MXRA8: variants seen among roughly 807,000 people sequenced by gnomAD.
MXRA8 encodes matrix remodeling-associated protein 8.
MXRA8 carries 44 observed loss-of-function variants against 51.4 expected under a neutral mutation model. The observed-to-expected ratio is 0.86, with a 90% CI of 0.67 to 1.10. MXRA8 has a LOEUF of 1.10. Ranked by LOEUF, MXRA8 falls within the 50% of genes least tolerant of loss-of-function variation. MXRA8 has a pLI of 0.00. For missense variants in MXRA8, 765 were observed against 638.9 expected, an observed-to-expected ratio of 1.20 and a Z score of -2.13; for synonymous variants, 369 against 293.5, an observed-to-expected ratio of 1.26 and a Z score of -2.63.
chr1:1,360,252 C>A (rs935561659), upstream of MXRA8, among the ~76,000 whole-genome samples: 2 of 152,224 alleles, frequency 1.3e-5, no homozygotes, highest in African/African-American at 4.8e-5. Context: ...AGGCTGTCGT[C>A]TGAGAGGGCC....
upstream of MXRA8, among the ~76,000 whole-genome samples, chr1:1,359,888 G>A (rs149829588): frequency 1.1e-3 from 164 of 152,190 alleles, 4 homozygotes; most frequent in East Asian, 0.026. Context: ...GCCTCTGCTG[G>A]CCTCTCCTCC....
chr1:1,353,465 T>C lies in MXRA8; in HGVS notation c.*139A>G. On this transcript the variant is annotated 3_prime_UTR_variant, in exon 10 of 10. Transcript: ENST00000309212. The stretch of plus-strand genomic sequence containing the variant: ...GGGAGAGGGGTGTGGAGGCGGCCTC[T>C]GCATACGCCCAGGCCAAATTCCAGG... 1 of 1,502,974 alleles carries C rather than the reference T, an allele frequency of 6.7e-7. No individual in the cohort carries two copies. The highest frequency in any genetic ancestry group is 8.9e-7 in the Non-Finnish European group (1 of 1,123,174). 93.1% of individuals were successfully genotyped at this position (1,502,974 alleles called of 1,614,324 possible).
intron 9 of MXRA8, 100 bp downstream of exon 9, chr1:1,353,748 G>A (rs1644052770): frequency 1.4e-6 from 2 of 1,466,816 alleles, no homozygotes; most frequent in African/African-American, 1.4e-5. Context: ...GGTGGCAGGG[G>A]CCCCGGGCCT....
upstream of MXRA8, chr1:1,361,549 G>T (rs938092817): frequency 1.9e-6 from 1 of 517,692 alleles, no homozygotes; most frequent in Admixed American, 3.2e-5. Context: ...GCAGCCAGTG[G>T]CGGGGCTGCC....
At chr1:1,360,227 G>A (rs570445716), upstream of MXRA8, among the ~76,000 whole-genome samples, 248 of 152,364 alleles carry the variant, frequency 1.6e-3, 3 homozygotes, top group African/African-American at 5.4e-3. Flanking sequence ...CCCAGCCAGC[G>A]GAGATGCAGG....
In MXRA8 at chr1:1,355,323, C is replaced by T. The variant is rs759796732; in HGVS notation, c.399G>A (p.Gly133=). 6.3e-7 allele frequency: 1 copy of T among 1,578,110 alleles called. No homozygotes were observed. The highest frequency in any genetic ancestry group is 8.6e-7 in the Non-Finnish European group (1 of 1,165,748). ...LIRAVEETDA[G]LYTCNLHHHY... ...GATGGTGCAGGTTGCAGGTGTACAG[C>T]CCCGCGTCCGTCTCCTCCACCGCTG... The change falls in exon 4 of 10, where the codon GGG becomes GGA. Residue 133 remains glycine (G), a synonymous_variant. Coordinates refer to ENST00000309212, the MANE Select transcript of MXRA8 (RefSeq NM_032348.4).
upstream of MXRA8, chr1:1,361,313 A>G (rs1388173449): frequency 2.8e-6 from 2 of 703,054 alleles, no homozygotes; most frequent in East Asian, 2.7e-5. Flanking sequence ...TTTGCTGACC[A>G]CCTCCTGGGT....
At chr1:1,363,007 T>A (rs1644237420), upstream of MXRA8, among the ~76,000 whole-genome samples, 1 of 150,462 alleles carries the variant, frequency 6.6e-6, no homozygotes, top group South Asian at 2.1e-4. Flanking sequence ...CACTTGAACC[T>A]GGGGGATGGA....
Position 1,353,615 on chromosome 1 carries a change from T to C in MXRA8, c.1318A>G (p.Asn440Asp), listed in dbSNP as rs1557680149. ...IDLDKGFRKE[N>D]CK is the part of the protein sequence containing the mutation. ...AGCCCAGGGCCTCCCTATTTGCAGT[T>C]CTCCTTCCGGAACCCTGGAAGCCAA... The change falls in exon 10 of 10, where the codon AAC (asparagine) becomes GAC (aspartate). Residue 440 changes from asparagine (N) to aspartate (D), a missense_variant. Physicochemically the swap from Asn to Asp is conservative, Grantham distance 23. Transcript: ENST00000309212. The C allele has an allele frequency of 5.8e-6, 9 of 1,563,050 alleles. No homozygotes were observed. Among genetic ancestry groups the C allele is most frequent in the South Asian group, 1.2e-5 (1 of 85,160 alleles).
At chr1:1,356,607 C>G (rs1436524766) in intron 2 of MXRA8, 74 bp downstream of exon 2, 9 of 799,062 alleles carry the variant, frequency 1.1e-5, no homozygotes, top group Non-Finnish European at 1.3e-5. Context: ...TGAGGACCCC[C>G]GGGGGCTGGG....
At chr1:1,359,409 G>A (rs907346886), upstream of MXRA8, 7 of 985,336 alleles carry the variant, frequency 7.1e-6, no homozygotes, top group Admixed American at 1.2e-4. Flanking sequence ...AGCCTGCACT[G>A]TGTAGCAAAC....
chr1:1,359,784 A>C (rs1335710018), upstream of MXRA8, among the ~76,000 whole-genome samples: 1 of 152,116 alleles, frequency 6.6e-6, no homozygotes, highest in East Asian at 1.9e-4. Flanking sequence ...CGACCTTTCC[A>C]AACTGGCTTC....
rs754054778 is a variant in MXRA8, at chr1:1,355,265, G to A, written c.457C>T (p.Arg153Cys). ...TCACGGCCGTCGGTGACCTCCAGGC[G>A]GACGGCCAGGCTCTCGTAGAGGTGG... ...YCHLYESLAV[R>C]LEVTDGPPAT... Residue 153 changes from arginine (R) to cysteine (C), a missense_variant, in exon 4 of 10, where the codon CGC becomes TGC. Arg to Cys is a radical substitution (Grantham distance 180, BLOSUM62 -3). Transcript: ENST00000309212. The A allele has an allele frequency of 3.8e-5, 59 of 1,567,982 alleles. No homozygotes were observed. In the Admixed American group the frequency reaches 3.8e-4, roughly 10 times the overall value.
At chr1:1,362,470 A>T (rs2765020), upstream of MXRA8, among the ~76,000 whole-genome samples, 130,689 of 149,998 alleles carry the variant, frequency 0.87, 57,072 homozygotes, top group Non-Finnish European at 0.93. Context: ...ACCTTCTGTA[A>T]TTTTTTTTTT....
chr1:1,355,546 C>G lies in MXRA8; in HGVS notation c.280G>C (p.Ala94Pro). The change falls in exon 3 of 10, where the codon GCG becomes CCG. Residue 94 changes from alanine to proline, a missense_variant. Transcript: ENST00000309212. The stretch of plus-strand genomic sequence containing the variant: ...GCCTCGTACACGCGCTGCTCGCCCG[C>G]CGAGTACAAGTCCAGCAGGCGCCGC... Reference protein sequence around the residue: ...PARRLLDLYSAGEQRVYEARD... With the variant: ...PARRLLDLYSPGEQRVYEARD... The G allele has an allele frequency of 6.7e-7, 1 of 1,493,316 alleles. No homozygotes were observed. Among genetic ancestry groups the G allele is most frequent in the Non-Finnish European group, 8.8e-7 (1 of 1,130,574 alleles). The allele number at this position is 1,493,316 out of a possible 1,614,324, so 92.5% of individuals were successfully genotyped here.
In MXRA8 at chr1:1,355,704, G is replaced by A. The variant is rs900408652; in HGVS notation, c.122C>T (p.Ala41Val). ...AAGSSVVSES[A>V]VSWEAGARAV... ...CCGGGCGCCCGCCTCCCAGCTCACC[G>A]CGGACTCGGACACCACGGAGCTGCC... The change falls in exon 3 of 10, where the codon GCG (alanine) becomes GTG (valine). Residue 41 changes from alanine to valine, a missense_variant. By Grantham distance (64) the Ala-to-Val change is moderately conservative (BLOSUM62 0). Transcript: ENST00000309212. 5 of 1,336,946 alleles carry A rather than the reference G, an allele frequency of 3.7e-6. No individual in the cohort carries two copies. The African/African-American group carries it at 7.7e-5, about 21-fold the overall frequency. The allele number at this position is 1,336,946 out of a possible 1,614,324, so 82.8% of individuals were successfully genotyped here.
At chr1:1,359,713 GACCCC>G (rs200418481), upstream of MXRA8, among the ~76,000 whole-genome samples, 2 of 152,152 alleles carry the variant, frequency 1.3e-5, no homozygotes, top group African/African-American at 2.4e-5. Flanking sequence ...AAGGACAGAA[GACCCC>G]ACCCCACCCC....
Position 1,354,853 on chromosome 1 carries a change from C to T in MXRA8, c.778G>A (p.Glu260Lys). ...FERGDFSLRI[E>K]PLEVADEGTY... Reference sequence around the variant, plus strand: ...CCCTCGTCGGCGACCTCCAGCGGCTCGATACGCAGTGAGAAGTCACCGCGC... The same window carrying T: ...CCCTCGTCGGCGACCTCCAGCGGCTTGATACGCAGTGAGAAGTCACCGCGC... Residue 260 changes from glutamate to lysine, a missense_variant, in exon 5 of 10, where the codon GAG (glutamate) becomes AAG (lysine). Coordinates refer to ENST00000309212, the MANE Select transcript of MXRA8 (RefSeq NM_032348.4). 1 of 1,612,054 alleles carries T rather than the reference C, an allele frequency of 6.2e-7. No homozygotes were observed. Among genetic ancestry groups the T allele is most frequent in the Non-Finnish European group, 8.5e-7 (1 of 1,179,654 alleles).
chr1:1,353,708 G>T, intron 9 of MXRA8, 79 bp from the exon 10 acceptor site: 1 of 1,490,120 alleles, frequency 6.7e-7, no homozygotes, highest in Non-Finnish European at 9.1e-7. Context: ...AGACCCCCCC[G>T]CAGGACTCCC....
Sources: allele counts gnomAD v4.1 joint callset (sites outside exome capture counted in the v4.1 genomes callset), GRCh38; gene constraint gnomAD v4.1.1; transcripts MANE v1.5; gene names NCBI Gene and HGNC (gene_info 2026-07-23, HGNC 2026-07-21).